GALNTL6: variants seen among roughly 807,000 people sequenced by gnomAD.
The protein encoded by GALNTL6 is polypeptide N-acetylgalactosaminyltransferase like 6, also known as polypeptide N-acetylgalactosaminyltransferase-like 6.
Under a neutral mutation model 73.7 loss-of-function variants are expected in GALNTL6, and 46 were observed. The ratio of observed to expected loss-of-function variants is 0.62; its 90% CI spans 0.49 to 0.80. The LOEUF is 0.80. Among genes scored for constraint, GALNTL6 ranks in the 30% least tolerant of loss-of-function variants. The pLI, the probability that GALNTL6 is intolerant of heterozygous loss-of-function variation, is 0.00. For synonymous variants in GALNTL6, 259 were observed against 263.7 expected (o/e 0.98, Z 0.17); for missense variants, 604 against 755.0 (o/e 0.80, Z 2.34).
chr4:172,342,420 A>T (rs927483012), intron 4 of GALNTL6, among the ~76,000 whole-genome samples: 5 of 152,166 alleles, frequency 3.3e-5, no homozygotes, highest in Non-Finnish European at 7.3e-5. Context: ...GAAAAGCTAT[A>T]AACTTCTTAG....
chr4:172,864,109 A>G (rs1744539742), intron 7 of GALNTL6, among the ~76,000 whole-genome samples: 1 of 152,204 alleles, frequency 6.6e-6, no homozygotes, highest in South Asian at 2.1e-4. Flanking sequence ...CTCCCCAGCC[A>G]TGTGGAACTG....
intron 5 of GALNTL6, among the ~76,000 whole-genome samples, chr4:172,454,667 G>A (rs1332905703): frequency 1.3e-5 from 2 of 152,208 alleles, no homozygotes; most frequent in African/African-American, 4.8e-5. Flanking sequence ...CCACTCCACT[G>A]TCTCAACTCC....
intron 5 of GALNTL6, among the ~76,000 whole-genome samples, chr4:172,496,539 A>C (rs1021101804): frequency 6.6e-6 from 1 of 152,034 alleles, no homozygotes; most frequent in African/African-American, 2.4e-5. Context: ...AATAAAAAAT[A>C]AAAAAATTAG....
At chr4:172,827,631 T>G (rs1240201487) in intron 7 of GALNTL6, among the ~76,000 whole-genome samples, 1 of 152,124 alleles carries the variant, frequency 6.6e-6, no homozygotes, top group East Asian at 1.9e-4. Flanking sequence ...CACCTCATGT[T>G]CCCGCTTTCA....
intron 5 of GALNTL6, among the ~76,000 whole-genome samples, chr4:172,362,203 G>T (rs1414042712): frequency 1.3e-5 from 2 of 152,026 alleles, no homozygotes; most frequent in African/African-American, 2.4e-5. Context: ...ATCTTCAGAG[G>T]CCTATCTCTG....
chr4:172,086,312 G>A (rs11936619), intron 2 of GALNTL6, among the ~76,000 whole-genome samples: 1 of 151,840 alleles, frequency 6.6e-6, no homozygotes, highest in Non-Finnish European at 1.5e-5. Context: ...GGGAAACATC[G>A]TGTCTGAAGC....
At chr4:171,954,779 C>T (rs1231744405) in intron 2 of GALNTL6, among the ~76,000 whole-genome samples, 2 of 151,956 alleles carry the variant, frequency 1.3e-5, no homozygotes, top group African/African-American at 4.8e-5. Context: ...TGGGTGTGAA[C>T]TTCCCCCTCT....
At chr4:172,711,878 A>G (rs1734728866) in intron 5 of GALNTL6, among the ~76,000 whole-genome samples, 1 of 152,194 alleles carries the variant, frequency 6.6e-6, no homozygotes, top group Non-Finnish European at 1.5e-5. Context: ...CCCTTGGCCA[A>G]TCCATCCAAG....
At chr4:172,590,101 G>A (rs1398303811) in intron 5 of GALNTL6, among the ~76,000 whole-genome samples, 3 of 152,148 alleles carry the variant, frequency 2.0e-5, no homozygotes, top group Non-Finnish European at 4.4e-5. Flanking sequence ...CTCAACTCCT[G>A]CTGCTTATTC....
At position 172,336,962 on chromosome 4, in the gene GALNTL6, G is replaced by A. The variant is rs774741066; in HGVS notation, c.387-11561G>A. ...GTACGCGTATATTTAGAATAGTTAA[G>A]TATTATTGTTGAATTGAAGTCTTTA... On this transcript the variant is annotated intron_variant, in intron 4 of 12. Coordinates refer to ENST00000506823, the MANE Select transcript of GALNTL6 (RefSeq NM_001034845.3). 9.7e-4 allele frequency among the ~76,000 whole-genome samples: 148 copies of A among 152,056 alleles called. 1 individual carries two copies. Among genetic ancestry groups the A allele is most frequent in the Non-Finnish European group, 2.0e-3 (135 of 68,000 alleles).
At chr4:172,903,909 G>A (rs1022564397) in intron 8 of GALNTL6, among the ~76,000 whole-genome samples, 1 of 152,088 alleles carries the variant, frequency 6.6e-6, no homozygotes, top group African/African-American at 2.4e-5. Context: ...ATGATGCTGA[G>A]CTTTGCGGTA....
At chr4:172,367,358 T>G (rs1742603574) in intron 5 of GALNTL6, among the ~76,000 whole-genome samples, 1 of 152,192 alleles carries the variant, frequency 6.6e-6, no homozygotes, top group Non-Finnish European at 1.5e-5. Flanking sequence ...TTGAGTCTTT[T>G]GCTGAGATCT....
At chr4:172,401,953 GGAGAGAGAGA>G (rs70944407) in intron 5 of GALNTL6, among the ~76,000 whole-genome samples, 1 of 92,180 alleles carries the variant, frequency 1.1e-5, no homozygotes, top group Non-Finnish European at 2.1e-5. Context: ...GGGGGAGGGG[GGAGAGAGAGA>G]GAGAGAGAGA....
intron 8 of GALNTL6, among the ~76,000 whole-genome samples, chr4:172,910,681 G>C (rs757756301): frequency 2.0e-5 from 3 of 152,218 alleles, no homozygotes; most frequent in Non-Finnish European, 4.4e-5. Flanking sequence ...CCAAGGTATT[G>C]ATTAGGCCAA....
intron 2 of GALNTL6, among the ~76,000 whole-genome samples, chr4:172,051,203 G>A (rs1316719277): frequency 1.3e-5 from 2 of 152,138 alleles, no homozygotes; most frequent in Non-Finnish European, 2.9e-5. Context: ...AGACGGGCAG[G>A]TGCAGGAGCT....
intron 2 of GALNTL6, among the ~76,000 whole-genome samples, chr4:171,887,726 G>T (rs1736642904): frequency 6.6e-6 from 1 of 152,096 alleles, no homozygotes; most frequent in African/African-American, 2.4e-5. Flanking sequence ...TGGTGATGTT[G>T]CTTTATCTTG....
At chr4:172,441,049 GT>G (rs1407612644) in intron 5 of GALNTL6, among the ~76,000 whole-genome samples, 1 of 151,834 alleles carries the variant, frequency 6.6e-6, no homozygotes, top group Admixed American at 6.6e-5. Flanking sequence ...CATATTTTAT[GT>G]TTTCTTCATT....
chr4:172,815,818 T>C (rs1031847042), intron 7 of GALNTL6, among the ~76,000 whole-genome samples: 9 of 152,226 alleles, frequency 5.9e-5, no homozygotes, highest in African/African-American at 2.2e-4. Flanking sequence ...TATTACTATC[T>C]TTCTGCCTTA....
At chr4:172,442,741 C>T (rs979434513) in intron 5 of GALNTL6, among the ~76,000 whole-genome samples, 28 of 152,246 alleles carry the variant, frequency 1.8e-4, no homozygotes, top group Admixed American at 7.2e-4. Flanking sequence ...TTAAGCACTG[C>T]ACTTGTTACT....
Sources: allele counts gnomAD v4.1 joint callset (sites outside exome capture counted in the v4.1 genomes callset), GRCh38; gene constraint gnomAD v4.1.1; transcripts MANE v1.5; gene names NCBI Gene and HGNC (gene_info 2026-07-23, HGNC 2026-07-21).